Variants in SENP6 observed in about 807,000 individuals in gnomAD.
SENP6 encodes the protein SUMO specific peptidase 6.
In SENP6, 41 loss-of-function variants were observed where a neutral mutation model predicts 134.5. The ratio of observed to expected loss-of-function variants is 0.30; its 90% confidence interval spans 0.24 to 0.40. The LOEUF is 0.40. SENP6 is among the 10% of genes least tolerant of loss of function. The pLI, the probability that SENP6 is intolerant of heterozygous loss-of-function variation, is 1.00. For missense variants in SENP6, 1,248 were observed against 1,312.5 expected (o/e 0.95, Z 0.76); for synonymous variants, 395 against 429.8 (o/e 0.92, Z 1.00).
At chr6:75,607,860 C>G (rs140753121) in intron 1 of SENP6, among the ~76,000 whole-genome samples, 1 of 152,158 alleles carries the variant, frequency 6.6e-6, no homozygotes, top group Non-Finnish European at 1.5e-5. Context: ...AATCAGTTTG[C>G]CAGTTTTACT....
At chr6:75,602,716 G>A (rs1419912862) in intron 1 of SENP6, 140 bp downstream of exon 1, 1 of 911,774 alleles carries the variant, frequency 1.1e-6, no homozygotes, top group Non-Finnish European at 1.7e-6. Context: ...TGACGGGGAG[G>A]GAGTGTGCTG....
intron 16 of SENP6, among the ~76,000 whole-genome samples, chr6:75,681,737 A>G (rs965024698): frequency 2.6e-5 from 4 of 152,234 alleles, no homozygotes; most frequent in Non-Finnish European, 5.9e-5. Context: ...ACTCAAAACA[A>G]TATAAAGAAG....
intron 3 of SENP6, among the ~76,000 whole-genome samples, chr6:75,627,732 G>A (rs761416224): frequency 7.9e-5 from 12 of 152,196 alleles, no homozygotes; most frequent in Admixed American, 1.3e-4. Flanking sequence ...CCAGAGGGCA[G>A]TGGTGTGATC....
At chr6:75,644,081 A>G (rs1770237314) in intron 6 of SENP6, 2 of 152,322 alleles carry the variant, frequency 1.3e-5, no homozygotes, top group African/African-American at 2.4e-5. Flanking sequence ...CAAAAAATTA[A>G]GAGTGCCCAC....
At position 75,647,791 on chromosome 6, in the gene SENP6, C is replaced by T. The variant is rs766656702; in HGVS notation, c.540C>T (p.Leu180=). Residue 180 remains leucine, a synonymous_variant, in exon 7 of 24, where the codon CTC becomes CTT. Coordinates refer to ENST00000447266, the MANE Select transcript of SENP6 (RefSeq NM_015571.4). ...VEINPVRLSR[L]QGVERIMKKT... is the part of the protein sequence containing the mutation. ...TTAATCCTGTAAGGTTAAGTCGGCT[C>T]CAAGGTGTTGGTAAGTGTGCAGTTT... is the stretch of plus-strand genomic sequence containing the variant. 1 of 1,612,180 alleles carries T rather than the reference C, an allele frequency of 6.2e-7. No individual in the cohort carries two copies. Among genetic ancestry groups the T allele is most frequent in the Non-Finnish European group, 8.5e-7 (1 of 1,178,822 alleles).
chr6:75,659,180 C>G, intron 7 of SENP6, 82 bp from the exon 8 acceptor site: 4 of 1,022,976 alleles, frequency 3.9e-6, no homozygotes, highest in Non-Finnish European at 5.7e-6. Flanking sequence ...TTGGTTTAGT[C>G]TTATGTTCTG....
intron 16 of SENP6, among the ~76,000 whole-genome samples, chr6:75,692,248 G>T (rs1265670627): frequency 6.6e-6 from 1 of 152,098 alleles, no homozygotes; most frequent in African/African-American, 2.4e-5. Flanking sequence ...TGTGACACAT[G>T]TACACTTAAA....
chr6:75,702,616 T>TTA, intron 18 of SENP6, 29 bp from the exon 19 acceptor site: 1 of 1,519,792 alleles, frequency 6.6e-7, no homozygotes. Flanking sequence ...TCTAATAACA[T>TTA]ATTTAGTCAT....
At chr6:75,650,295 T>C (rs1423213005) in intron 7 of SENP6, among the ~76,000 whole-genome samples, 1 of 152,214 alleles carries the variant, frequency 6.6e-6, no homozygotes, top group South Asian at 2.1e-4. Flanking sequence ...GTTAAGATAC[T>C]CTCTGCTGGG....
chr6:75,693,016 A>C (rs1219545983), intron 16 of SENP6, among the ~76,000 whole-genome samples: 3 of 152,214 alleles, frequency 2.0e-5, no homozygotes, highest in Admixed American at 2.0e-4. Flanking sequence ...GGCTGCAGTG[A>C]GCCACTATGT....
chr6:75,635,708 CA>C (rs1769459637), intron 5 of SENP6, among the ~76,000 whole-genome samples: 1 of 151,898 alleles, frequency 6.6e-6, no homozygotes, highest in Admixed American at 6.6e-5. Flanking sequence ...CTGTGCAGAC[CA>C]AAAATTGGCT....
intron 18 of SENP6, among the ~76,000 whole-genome samples, chr6:75,701,678 C>T (rs71561438): frequency 0.13 from 15,332 of 119,002 alleles, 884 homozygotes; most frequent in Middle Eastern, 0.21. Flanking sequence ...CTCGCTCTGT[C>T]GCCCAGGGTG....
intron 16 of SENP6, among the ~76,000 whole-genome samples, chr6:75,685,439 T>G (rs1457388945): frequency 6.6e-6 from 1 of 152,176 alleles, no homozygotes; most frequent in African/African-American, 2.4e-5. Context: ...TTGAATTTGT[T>G]TGCTCTTGCT....
intron 1 of SENP6, among the ~76,000 whole-genome samples, chr6:75,615,707 T>C (rs531065682): frequency 1.3e-5 from 2 of 152,362 alleles, no homozygotes; most frequent in African/African-American, 4.8e-5. Context: ...GGATCAAGTA[T>C]TCTGACTTCA....
intron 7 of SENP6, among the ~76,000 whole-genome samples, chr6:75,653,475 A>G (rs144296360): frequency 2.8e-4 from 43 of 152,140 alleles, no homozygotes; most frequent in African/African-American, 1.0e-3. Flanking sequence ...GTCCTTGTAG[A>G]TTTATTTTTA....
At chr6:75,647,114 A>G (rs1770510639) in intron 6 of SENP6, among the ~76,000 whole-genome samples, 3 of 152,148 alleles carry the variant, frequency 2.0e-5, no homozygotes, top group South Asian at 2.1e-4. Flanking sequence ...GAAAGTAGCT[A>G]TTGTAGCTCC....
Position 75,659,403 on chromosome 6 carries a change from T to C in SENP6, c.692T>C (p.Leu231Ser), listed in dbSNP as rs1250522106. 4 of 1,601,588 alleles carry C rather than the reference T, an allele frequency of 2.5e-6. No individual in the cohort carries two copies. Among genetic ancestry groups the C allele is most frequent in the South Asian group, 1.1e-5 (1 of 89,624 alleles). ...GCTTCAAAAAAATGTTTAACCCATTTAGAGGTAAGTAGAGAAATTATTCTT... is the reference window on the plus strand; with the variant it reads ...GCTTCAAAAAAATGTTTAACCCATTCAGAGGTAAGTAGAGAAATTATTCTT... ...SPASKKCLTHLEDLQRNCRQA... is the reference protein window; with the variant it reads ...SPASKKCLTHSEDLQRNCRQA... The change falls in exon 8 of 24, where the codon TTA (leucine) becomes TCA (serine). Residue 231 changes from leucine to serine, a missense_variant. By Grantham distance (145) the Leu-to-Ser change is moderately radical. Coordinates refer to ENST00000447266, the MANE Select transcript of SENP6 (RefSeq NM_015571.4).
rs200061055 is a variant in SENP6, at chr6:75,678,842, G to A, written c.1990G>A (p.Gly664Arg). The change falls in exon 16 of 24, where the codon GGA (glycine) becomes AGA (arginine). Residue 664 changes from glycine to arginine, a missense_variant. Physicochemically the swap from Gly to Arg is moderately radical, Grantham distance 125. Around this residue, in one of 3 missense-constraint regions of SENP6, gnomAD observed 129 missense variants for 192.0 expected, o/e 0.67. Coordinates refer to ENST00000447266, the MANE Select transcript of SENP6 (RefSeq NM_015571.4). ...LIVYPPPPAK[G>R]GISVTNEDLH... is the part of the protein sequence containing the mutation. ...AGTATATCCACCACCTCCAGCTAAG[G>A]GAGGCATCTCTGTTACCAATGAGGA... 754 of 1,608,458 alleles carry A rather than the reference G, an allele frequency of 4.7e-4. No individual in the cohort carries two copies. Among genetic ancestry groups the A allele is most frequent in the Admixed American group, 6.0e-4 (36 of 59,752 alleles).
intron 1 of SENP6, among the ~76,000 whole-genome samples, chr6:75,613,483 TA>T (rs199819742): frequency 8.0e-5 from 12 of 149,332 alleles, no homozygotes; most frequent in Admixed American, 3.4e-4. Flanking sequence ...GAAACAAACT[TA>T]AAAAAAAAAG....
Sources: allele counts gnomAD v4.1 joint callset (sites outside exome capture counted in the v4.1 genomes callset), GRCh38; gene constraint gnomAD v4.1.1; regional missense constraint gnomAD v4.1.1; transcripts MANE v1.5; gene names NCBI Gene and HGNC (gene_info 2026-07-23, HGNC 2026-07-21).